Variants in MAGT1 observed in about 807,000 individuals in gnomAD.
MAGT1 encodes the protein magnesium transporter 1.
In MAGT1, 4 loss-of-function variants were observed where a neutral mutation model predicts 28.4. The ratio of observed to expected loss-of-function variants is 0.14; its 90% CI spans 0.07 to 0.32. The LOEUF (loss-of-function observed/expected upper bound fraction) is 0.32. Among genes scored for constraint, MAGT1 ranks in the 10% least tolerant of loss-of-function variants. MAGT1 has a pLI of 1.00. For synonymous variants in MAGT1, 89 were observed against 89.7 expected (o/e 0.99, Z 0.04); for missense variants, 193 against 264.5 (o/e 0.73, Z 1.88).
chrX:77,890,780 C>A (rs1357373504), intron 1 of MAGT1, among the ~76,000 whole-genome samples: 1 of 111,470 alleles, frequency 9.0e-6, no homozygotes, highest in Non-Finnish European at 1.9e-5. Context: ...TCACAATAGC[C>A]AAAGAAATCA....
chrX:77,849,680 C>T (rs782016024), intron 7 of MAGT1, among the ~76,000 whole-genome samples: 30 of 109,155 alleles, frequency 2.7e-4, no homozygotes, highest in Non-Finnish European at 1.3e-4. Context: ...AAACCAGCCT[C>T]GCCAACATGA....
chrX:77,844,055 T>C (rs995191155), intron 7 of MAGT1, among the ~76,000 whole-genome samples: 19 of 111,639 alleles, frequency 1.7e-4, no homozygotes, highest in East Asian at 1.1e-3. Flanking sequence ...TGGTAGAATT[T>C]GGCTGTGAAT....
intron 2 of MAGT1, among the ~76,000 whole-genome samples, chrX:77,871,579 C>T (rs1185011614): frequency 1.8e-5 from 2 of 111,853 alleles, no homozygotes; most frequent in African/African-American, 6.5e-5. Context: ...TGCAGTGGCT[C>T]ATGCCTGTAA....
Position 77,895,406 on chromosome X carries a change from G to C in MAGT1, c.5C>G (p.Ala2Gly), listed in dbSNP as rs371629104. The part of the protein sequence containing the change: M[A>G]ARWRFWCVSV... ...GACACACCAAAACCGCCAACGCGCTGCCATGTTCGCTCCTCTCCCTTCTAT... is the reference window on the plus strand; with the variant it reads ...GACACACCAAAACCGCCAACGCGCTCCCATGTTCGCTCCTCTCCCTTCTAT... Residue 2 changes from alanine (A) to glycine (G), a missense_variant, in exon 1 of 10, where the codon GCA becomes GGA. Coordinates refer to ENST00000618282, the MANE Select transcript of MAGT1 (RefSeq NM_001367916.1). 8.3e-7 allele frequency: 1 copy of C among 1,211,390 alleles called. No homozygotes were observed. Among genetic ancestry groups the C allele is most frequent in the Non-Finnish European group, 1.1e-6 (1 of 895,196 alleles).
Position 77,835,181 on chromosome X carries a change from C to T in MAGT1, c.902-4286G>A, listed in dbSNP as rs781865778. On this transcript the variant is annotated intron_variant, in intron 8 of 9. Coordinates refer to ENST00000618282, the MANE Select transcript of MAGT1 (RefSeq NM_001367916.1). Reference sequence around the variant, plus strand: ...TTCACTGTGTTAGCCAGGATGGTCTCGATCTCCTGACCTCATGATCCACCT... The same window carrying T: ...TTCACTGTGTTAGCCAGGATGGTCTTGATCTCCTGACCTCATGATCCACCT... Among the ~76,000 whole-genome samples, 16 of 109,355 alleles carry T rather than the reference C, an allele frequency of 1.5e-4. No homozygotes were observed. In the South Asian group the frequency reaches 6.3e-3, roughly 43 times the overall value. The allele number at this position is 109,355 out of a possible 115,157, so 95.0% of individuals were successfully genotyped here.
intron 2 of MAGT1, among the ~76,000 whole-genome samples, chrX:77,872,531 T>G (rs2077023068): frequency 1.8e-5 from 2 of 112,088 alleles, no homozygotes; most frequent in Middle Eastern, 4.6e-3. Context: ...CTAGTCTTAC[T>G]ACTAATCAAT....
chrX:77,862,678 C>T (rs189918931), intron 3 of MAGT1, among the ~76,000 whole-genome samples: 11 of 111,411 alleles, frequency 9.9e-5, no homozygotes, highest in African/African-American at 3.3e-4. Context: ...ATCAGGGAAA[C>T]GCAAATCAAA....
intron 8 of MAGT1, 63 bp from the exon 9 acceptor site, chrX:77,830,958 C>T: frequency 2.5e-6 from 1 of 394,896 alleles, no homozygotes; most frequent in Non-Finnish European, 4.1e-6. Context: ...CCATGGCAGT[C>T]TATACTTTCT....
At chrX:77,845,757 A>G (rs2076949717) in intron 7 of MAGT1, among the ~76,000 whole-genome samples, 1 of 111,693 alleles carries the variant, frequency 9.0e-6, no homozygotes, top group Non-Finnish European at 1.9e-5. Context: ...AGAATGTTGA[A>G]TTTGGCCCCC....
intron 3 of MAGT1, among the ~76,000 whole-genome samples, chrX:77,862,105 A>C (rs2149020154): frequency 9.0e-6 from 1 of 111,524 alleles, no homozygotes; most frequent in Non-Finnish European, 1.9e-5. Flanking sequence ...AATTCCTTGG[A>C]GGTTAATGAA....
chrX:77,844,682 T>C (rs782466342), intron 7 of MAGT1, among the ~76,000 whole-genome samples: 2 of 111,974 alleles, frequency 1.8e-5, no homozygotes, highest in Admixed American at 1.9e-4. Flanking sequence ...TCTTTATTTC[T>C]GCCTTCATTT....
At chrX:77,873,729 A>G (rs2077025898) in intron 2 of MAGT1, among the ~76,000 whole-genome samples, 1 of 111,756 alleles carries the variant, frequency 8.9e-6, no homozygotes, top group Non-Finnish European at 1.9e-5. Context: ...ATAATAATTA[A>G]TATACCCATC....
intron 1 of MAGT1, among the ~76,000 whole-genome samples, chrX:77,885,097 C>G (rs1353448076): frequency 1.8e-5 from 2 of 108,622 alleles, no homozygotes; most frequent in Non-Finnish European, 3.8e-5. Context: ...CAGGGTGTCA[C>G]TTTGTCACCC....
rs1557219842 is a variant in MAGT1, at chrX:77,895,435, T to C, written c.-25A>G. On this transcript the variant is annotated 5_prime_UTR_variant, in exon 1 of 10. Transcript: ENST00000618282. ...TGTTCGCTCCTCTCCCTTCTATAAGTGAAACTTTGCTCCGGCTAGGTCTGA... is the reference window on the plus strand; with the variant it reads ...TGTTCGCTCCTCTCCCTTCTATAAGCGAAACTTTGCTCCGGCTAGGTCTGA... 3 of 1,207,279 alleles carry C rather than the reference T, an allele frequency of 2.5e-6. No homozygotes were observed. Among genetic ancestry groups the C allele is most frequent in the Non-Finnish European group, 3.4e-6 (3 of 892,853 alleles).
chrX:77,838,875 G>C (rs782430070), intron 8 of MAGT1, among the ~76,000 whole-genome samples: 11 of 110,389 alleles, frequency 1.0e-4, no homozygotes, highest in Non-Finnish European at 1.5e-4. Flanking sequence ...CAAATGACTA[G>C]TAAACATTTA....
chrX:77,883,403 C>A (rs1031628796), intron 1 of MAGT1, among the ~76,000 whole-genome samples: 12 of 107,421 alleles, frequency 1.1e-4, no homozygotes, highest in African/African-American at 3.4e-4. Flanking sequence ...CTAGAAAGAC[C>A]AGACTTCTGG....
chrX:77,853,863 A>G, intron 7 of MAGT1, 38 bp downstream of exon 7: 1 of 1,113,764 alleles, frequency 9.0e-7, no homozygotes, highest in Non-Finnish European at 1.2e-6. Context: ...GAGAAAACAG[A>G]CAAAATACAG....
chrX:77,847,038 C>G (rs921023549), intron 7 of MAGT1, among the ~76,000 whole-genome samples: 1 of 112,167 alleles, frequency 8.9e-6, no homozygotes, highest in Non-Finnish European at 1.9e-5. Flanking sequence ...GACCTGGAGT[C>G]TACAGAGGCA....
chrX:77,855,315 A>T (rs781888449), intron 6 of MAGT1, among the ~76,000 whole-genome samples, 186 bp downstream of exon 6: 1 of 111,396 alleles, frequency 9.0e-6, no homozygotes, highest in Admixed American at 9.6e-5. Flanking sequence ...CTCCGTTTCG[A>T]AAAAAAGAAG....
Sources: gnomAD v4.1 joint callset for allele counts (sites outside exome capture counted in the v4.1 genomes callset) on GRCh38, gnomAD v4.1.1 for gene constraint, MANE v1.5 for transcripts, NCBI Gene and HGNC (gene_info 2026-07-23, HGNC 2026-07-21) for gene names.